The following CACNA2D1 variants were observed in gnomAD, a reference collection of about 807,000 sequenced individuals.
CACNA2D1 encodes the protein voltage-dependent calcium channel subunit alpha-2/delta-1.
CACNA2D1 carries 53 observed loss-of-function variants against 171.5 expected under a neutral mutation model. That is an observed-to-expected ratio of 0.31 (90% CI 0.25 to 0.39). The LOEUF is 0.39. Ranked by LOEUF, CACNA2D1 falls within the 10% of genes least tolerant of loss-of-function variation. The pLI is 1.00. For synonymous variants in CACNA2D1, 442 were observed against 443.1 expected (o/e 1.00, Z 0.03); for missense variants, 903 against 1,299.8 (o/e 0.69, Z 4.69).
chr7:82,115,829 C>T (rs1418970642), intron 6 of CACNA2D1, among the ~76,000 whole-genome samples: 1 of 151,454 alleles, frequency 6.6e-6, no homozygotes, highest in Non-Finnish European at 1.5e-5. Flanking sequence ...CAACAACAAA[C>T]ACTTACATAG....
chr7:82,247,334 A>C (rs2129307325), intron 3 of CACNA2D1, among the ~76,000 whole-genome samples: 1 of 151,942 alleles, frequency 6.6e-6, no homozygotes, highest in South Asian at 2.1e-4. Flanking sequence ...ACATGGCAAA[A>C]CCCTGTCTCT....
At chr7:82,174,292 A>G (rs894339619) in intron 3 of CACNA2D1, among the ~76,000 whole-genome samples, 3 of 152,054 alleles carry the variant, frequency 2.0e-5, no homozygotes, top group African/African-American at 7.2e-5. Flanking sequence ...ATGAATACCT[A>G]TGAGAAAAAT....
intron 1 of CACNA2D1, among the ~76,000 whole-genome samples, chr7:82,360,048 C>T (rs1820911672): frequency 6.6e-6 from 1 of 152,154 alleles, no homozygotes. Context: ...AGTGGCAGAG[C>T]AGTTTGCCCT....
At chr7:81,952,321 G>C (rs895773646) in intron 38 of CACNA2D1, among the ~76,000 whole-genome samples, 1 of 151,880 alleles carries the variant, frequency 6.6e-6, no homozygotes, top group Non-Finnish European at 1.5e-5. Flanking sequence ...AAGAACTTTG[G>C]CTCTTTTTGT....
chr7:82,362,695 T>G (rs12531682), intron 1 of CACNA2D1, among the ~76,000 whole-genome samples: 94,218 of 152,070 alleles, frequency 0.62, 30,059 homozygotes, highest in East Asian at 0.74. Context: ...GGCCTCATAC[T>G]CATTTGTATC....
intron 16 of CACNA2D1, 48 bp from the exon 17 acceptor site, chr7:82,005,887 AT>A (rs1799071371): frequency 2.0e-6 from 2 of 1,024,726 alleles, no homozygotes; most frequent in Non-Finnish European, 3.1e-6. Flanking sequence ...AAATTTACGT[AT>A]TTTTACACAA....
chr7:82,366,782 C>T (rs187556869), intron 1 of CACNA2D1, among the ~76,000 whole-genome samples: 1 of 151,368 alleles, frequency 6.6e-6, no homozygotes, highest in African/African-American at 2.4e-5. Context: ...GTTTTAAGTT[C>T]TTTGAGAAAT....
chr7:81,985,034 A>G (rs1796809412), intron 21 of CACNA2D1, among the ~76,000 whole-genome samples: 1 of 152,118 alleles, frequency 6.6e-6, no homozygotes, highest in Non-Finnish European at 1.5e-5. Flanking sequence ...AATTACTTTG[A>G]ATTTTAACAA....
At chr7:82,008,798 C>G (rs1167694969) in intron 15 of CACNA2D1, among the ~76,000 whole-genome samples, 1 of 151,980 alleles carries the variant, frequency 6.6e-6, no homozygotes, top group African/African-American at 2.4e-5. Flanking sequence ...TTATTAATAT[C>G]AGGGAGCAAA....
intron 1 of CACNA2D1, among the ~76,000 whole-genome samples, chr7:82,361,930 T>C (rs1821125635): frequency 6.6e-6 from 1 of 152,146 alleles, no homozygotes; most frequent in Admixed American, 6.6e-5. Context: ...TAAAACACAA[T>C]AGTTGATCTC....
At chr7:82,018,499 C>T (rs544011561) in intron 12 of CACNA2D1, among the ~76,000 whole-genome samples, 1 of 152,062 alleles carries the variant, frequency 6.6e-6, no homozygotes. Context: ...CATTCTTAAT[C>T]TTTTTATTTA....
intron 4 of CACNA2D1, among the ~76,000 whole-genome samples, chr7:82,150,446 T>A (rs3801746): frequency 6.7e-6 from 1 of 149,122 alleles, no homozygotes. Context: ...AAAATTGAAA[T>A]CTCTAGTACA....
chr7:82,088,953 A>C (rs1810807670), intron 6 of CACNA2D1, among the ~76,000 whole-genome samples: 1 of 151,834 alleles, frequency 6.6e-6, no homozygotes, highest in African/African-American at 2.4e-5. Context: ...TGTGCCGTTC[A>C]CAACAGGGTT....
At chr7:82,141,873 G>A (rs1402324114) in intron 4 of CACNA2D1, among the ~76,000 whole-genome samples, 1 of 152,100 alleles carries the variant, frequency 6.6e-6, no homozygotes, top group Non-Finnish European at 1.5e-5. Context: ...CCCTTCTCTA[G>A]AAAGTACAGT....
chr7:82,263,803 T>A (rs2129336830), intron 3 of CACNA2D1, among the ~76,000 whole-genome samples: 1 of 152,318 alleles, frequency 6.6e-6, no homozygotes, highest in South Asian at 2.1e-4. Context: ...CTCTAAATGA[T>A]ATGAATAAAA....
chr7:82,211,703 AT>A (rs1800573771), intron 3 of CACNA2D1, among the ~76,000 whole-genome samples: 1 of 152,062 alleles, frequency 6.6e-6, no homozygotes, highest in South Asian at 2.1e-4. Context: ...AGAATGATTT[AT>A]TTTCCTTTGG....
At chr7:82,353,494 T>C (rs60755549) in intron 1 of CACNA2D1, among the ~76,000 whole-genome samples, 14,538 of 151,628 alleles carry the variant, frequency 0.096, 2,333 homozygotes, top group African/African-American at 0.33. Context: ...GAAAGAGAAA[T>C]CTCCATAGAA....
chr7:82,349,791 C>A, intron 1 of CACNA2D1, 142 bp from the exon 2 acceptor site: 1 of 719,382 alleles, frequency 1.4e-6, no homozygotes, highest in South Asian at 1.5e-5. Flanking sequence ...ACTATGTCCA[C>A]CCTTCCACTC....
At chr7:82,050,150 T>C (rs941724529) in intron 10 of CACNA2D1, among the ~76,000 whole-genome samples, 25 of 152,270 alleles carry the variant, frequency 1.6e-4, no homozygotes, top group African/African-American at 5.8e-4. Flanking sequence ...AATGGAACAA[T>C]TGAAATCATC....
Sources: allele counts gnomAD v4.1 joint callset (sites outside exome capture counted in the v4.1 genomes callset), GRCh38; gene constraint gnomAD v4.1.1; transcripts MANE v1.5; gene names NCBI Gene and HGNC (gene_info 2026-07-23, HGNC 2026-07-21).